SIK3: variants seen among roughly 807,000 people sequenced by gnomAD.
SIK3 encodes SIK family kinase 3.
SIK3 carries 28 observed loss-of-function variants against 144.2 expected under a neutral mutation model. That is an observed-to-expected ratio of 0.19 (90% CI 0.14 to 0.27). The LOEUF (loss-of-function observed/expected upper bound fraction) is 0.27, where lower values mean the gene tolerates loss of function less well. Ranked by LOEUF, SIK3 falls within the 10% of genes least tolerant of loss-of-function variation. The pLI, the probability that SIK3 is intolerant of heterozygous loss-of-function variation, is 1.00. For missense variants in SIK3, 1,319 were observed against 1,776.0 expected, an observed-to-expected ratio of 0.74 and a Z score of 4.62; for synonymous variants, 686 against 676.3, an observed-to-expected ratio of 1.01 and a Z score of -0.22.
chr11:117,090,946 T>C (rs982262379), intron 1 of SIK3, among the ~76,000 whole-genome samples: 1 of 152,220 alleles, frequency 6.6e-6, no homozygotes, highest in African/African-American at 2.4e-5. Context: ...TAGACTTTAA[T>C]TGGTATAGGT....
intron 1 of SIK3, among the ~76,000 whole-genome samples, chr11:117,030,669 C>T (rs1237655594): frequency 6.6e-6 from 1 of 151,932 alleles, no homozygotes; most frequent in Non-Finnish European, 1.5e-5. Flanking sequence ...TTATTTTTTC[C>T]TTTAAAACAA....
chr11:117,093,154 T>C (rs560069567), intron 1 of SIK3, among the ~76,000 whole-genome samples: 5 of 152,384 alleles, frequency 3.3e-5, no homozygotes, highest in Admixed American at 1.3e-4. Context: ...ATGTAAATTC[T>C]GCTTTCAATT....
chr11:117,060,931 T>C (rs1320318490), intron 1 of SIK3, among the ~76,000 whole-genome samples: 1 of 152,160 alleles, frequency 6.6e-6, no homozygotes, highest in African/African-American at 2.4e-5. Context: ...TGCTCAACTT[T>C]TCTGTAAACT....
At chr11:116,987,294 T>A (rs1950354914) in intron 1 of SIK3, among the ~76,000 whole-genome samples, 2 of 148,572 alleles carry the variant, frequency 1.3e-5, no homozygotes, top group African/African-American at 5.0e-5. Flanking sequence ...AAGAGAAATG[T>A]GTGTATTGTA....
At chr11:117,011,941 C>T (rs980775720) in intron 1 of SIK3, among the ~76,000 whole-genome samples, 1 of 152,084 alleles carries the variant, frequency 6.6e-6, no homozygotes, top group Non-Finnish European at 1.5e-5. Flanking sequence ...TCCTGCTTGG[C>T]GGTCTGGCTA....
At chr11:116,955,842 T>C (rs914690739) in intron 2 of SIK3, among the ~76,000 whole-genome samples, 6 of 152,222 alleles carry the variant, frequency 3.9e-5, no homozygotes, top group Non-Finnish European at 8.8e-5. Context: ...AATTTCATTA[T>C]GTGAGCAGCT....
intron 14 of SIK3, chr11:116,869,744 C>T (rs964157287): frequency 1.7e-5 from 4 of 233,742 alleles, no homozygotes; most frequent in African/African-American, 9.2e-5. Context: ...ATGGTCACTG[C>T]CGTTCTCTGT....
chr11:116,910,697 C>T (rs1946292937), intron 4 of SIK3, among the ~76,000 whole-genome samples: 1 of 152,058 alleles, frequency 6.6e-6, no homozygotes, highest in African/African-American at 2.4e-5. Flanking sequence ...ACTAGACTAC[C>T]ATAAGCTGAA....
chr11:116,979,889 T>C (rs141562840), intron 1 of SIK3, among the ~76,000 whole-genome samples: 2 of 152,230 alleles, frequency 1.3e-5, no homozygotes, highest in East Asian at 3.9e-4. Context: ...GCATAAGGCA[T>C]AAGGGATCCT....
At chr11:117,009,089 G>T (rs974663882) in intron 1 of SIK3, among the ~76,000 whole-genome samples, 3 of 151,936 alleles carry the variant, frequency 2.0e-5, no homozygotes, top group African/African-American at 7.3e-5. Context: ...ACAAAAATCA[G>T]CCAGGTGTAG....
chr11:117,094,000 C>T (rs998031574), intron 1 of SIK3, among the ~76,000 whole-genome samples: 2 of 152,094 alleles, frequency 1.3e-5, no homozygotes, highest in Non-Finnish European at 2.9e-5. Flanking sequence ...GCTATTAGGG[C>T]ACCATGCTGC....
chr11:116,871,355 C>CCT (rs1943961272), intron 13 of SIK3, among the ~76,000 whole-genome samples: 1 of 152,188 alleles, frequency 6.6e-6, no homozygotes, highest in Admixed American at 6.5e-5. Flanking sequence ...TTCCTGGATC[C>CCT]CTTCCCACAG....
At chr11:116,939,592 G>GA (rs1482956514) in intron 3 of SIK3, among the ~76,000 whole-genome samples, 1 of 152,174 alleles carries the variant, frequency 6.6e-6, no homozygotes, top group Non-Finnish European at 1.5e-5. Flanking sequence ...CTAAAAGTGG[G>GA]AAAATCAGAT....
intron 2 of SIK3, 115 bp from the exon 3 acceptor site, chr11:116,954,222 A>C (rs2289891): frequency 0.046 from 33,892 of 731,582 alleles, 1,508 homozygotes; most frequent in African/African-American, 0.18. Flanking sequence ...CTATAGATTA[A>C]AGAAAATTTA....
intron 1 of SIK3, among the ~76,000 whole-genome samples, chr11:116,994,039 T>A (rs546343096): frequency 8.2e-4 from 125 of 152,290 alleles, no homozygotes; most frequent in Middle Eastern, 3.4e-3. Context: ...TAAACAAGTA[T>A]AAATATAAAA....
chr11:117,067,317 A>G (rs1027412780), intron 1 of SIK3, among the ~76,000 whole-genome samples: 1 of 152,250 alleles, frequency 6.6e-6, no homozygotes, highest in African/African-American at 2.4e-5. Flanking sequence ...AAATCTTGTT[A>G]CATCCATACA....
Position 117,008,075 on chromosome 11 carries a change from CAAAAAAAAAAAAA to C in SIK3, c.274-51024_274-51012del, listed in dbSNP as rs59486431. Among the ~76,000 whole-genome samples, 95 of 54,682 alleles carry C rather than the reference CAAAAAAAAAAAAA, an allele frequency of 1.7e-3. 1 individual carries two copies. The highest frequency in any genetic ancestry group is 3.1e-3 in the East Asian group (4 of 1,278). The allele number at this position is 54,682 out of a possible 152,430, so 35.9% of individuals were successfully genotyped here. A position where few individuals can be genotyped will look rare whatever the true frequency, so the allele number is the denominator to read the frequency against. Reference sequence around the variant, plus strand: ...TGGGCAACAGAGAGAGACTCCATCTCAAAAAAAAAAAAAAAAAAAAAAAAAAAAAATTGGGAAG... The same window carrying C: ...TGGGCAACAGAGAGAGACTCCATCTCAAAAAAAAAAAAAAAAATTGGGAAG... On this transcript the variant is annotated intron_variant, in intron 1 of 24. Transcript: ENST00000445177.
At chr11:116,901,191 T>C (rs1945722248) in intron 4 of SIK3, among the ~76,000 whole-genome samples, 1 of 152,216 alleles carries the variant, frequency 6.6e-6, no homozygotes, top group African/African-American at 2.4e-5. Context: ...CTTAATTGTA[T>C]TGTGTGTTTA....
At chr11:116,904,302 G>A (rs1388258772) in intron 4 of SIK3, among the ~76,000 whole-genome samples, 1 of 152,236 alleles carries the variant, frequency 6.6e-6, no homozygotes, top group East Asian at 1.9e-4. Context: ...GAATTAACTC[G>A]CTAAGTTCAA....
Sources: allele counts gnomAD v4.1 joint callset (sites outside exome capture counted in the v4.1 genomes callset), GRCh38; gene constraint gnomAD v4.1.1; transcripts MANE v1.5; gene names NCBI Gene and HGNC (gene_info 2026-07-23, HGNC 2026-07-21).